Variants in GALNTL6 observed in about 807,000 individuals in gnomAD.
GALNTL6 encodes polypeptide N-acetylgalactosaminyltransferase like 6.
A neutral mutation model predicts 73.7 loss-of-function variants in GALNTL6; 46 were observed. The observed-to-expected ratio is 0.62, with a 90% CI of 0.49 to 0.80. The LOEUF is 0.80. Among genes scored for constraint, GALNTL6 ranks in the 30% least tolerant of loss-of-function variants. GALNTL6 has a pLI of 0.00. For synonymous variants in GALNTL6, 259 were observed against 263.7 expected (o/e 0.98, Z 0.17); for missense variants, 604 against 755.0 (o/e 0.80, Z 2.34).
intron 12 of GALNTL6, among the ~76,000 whole-genome samples, chr4:173,021,999 GAA>G (rs1329071859): frequency 6.8e-6 from 1 of 146,328 alleles, no homozygotes; most frequent in Non-Finnish European, 1.5e-5. Context: ...GTTAAGAAAA[GAA>G]AGAGAGAGAG....
chr4:172,882,444 A>T (rs1404293432), intron 7 of GALNTL6, among the ~76,000 whole-genome samples: 1 of 152,126 alleles, frequency 6.6e-6, no homozygotes, highest in Non-Finnish European at 1.5e-5. Flanking sequence ...GAAAAACCAT[A>T]AAATTGAGTG....
At chr4:172,143,683 C>T (rs1405577983) in intron 2 of GALNTL6, among the ~76,000 whole-genome samples, 1 of 152,042 alleles carries the variant, frequency 6.6e-6, no homozygotes, top group Non-Finnish European at 1.5e-5. Context: ...AATTTACTGC[C>T]TGCCCCCCAT....
chr4:172,022,865 C>T lies in GALNTL6; in HGVS notation c.139-206791C>T, dbSNP rs145546484. 2.0e-3 allele frequency among the ~76,000 whole-genome samples: 306 copies of T among 152,112 alleles called. 1 individual carries two copies. The Middle Eastern group carries it at 0.02, about 10-fold the overall frequency. On this transcript the variant is annotated intron_variant, in intron 2 of 12. Transcript: ENST00000506823. ...GATTTATTAGCAATGTCTAACAATT[C>T]TCTGAGCCACCCCATTTCCCTGTTT...
chr4:171,935,598 T>C (rs1359106573), intron 2 of GALNTL6, among the ~76,000 whole-genome samples: 3 of 152,172 alleles, frequency 2.0e-5, no homozygotes, highest in African/African-American at 7.2e-5. Context: ...GCGTCCAGAA[T>C]ATCTGGGACC....
chr4:172,514,243 G>A (rs1044554997), intron 5 of GALNTL6, among the ~76,000 whole-genome samples: 5 of 152,188 alleles, frequency 3.3e-5, no homozygotes, highest in Non-Finnish European at 7.3e-5. Context: ...GGTTAGGAAT[G>A]CCTGAACTCA....
At chr4:172,046,415 A>G (rs1186032396) in intron 2 of GALNTL6, among the ~76,000 whole-genome samples, 1 of 152,130 alleles carries the variant, frequency 6.6e-6, no homozygotes, top group African/African-American at 2.4e-5. Context: ...TCAACTCGTC[A>G]TTAACATTAG....
intron 2 of GALNTL6, among the ~76,000 whole-genome samples, chr4:172,014,928 T>C (rs765620882): frequency 6.6e-5 from 10 of 152,148 alleles, no homozygotes; most frequent in Non-Finnish European, 1.0e-4. Flanking sequence ...TGATATAATT[T>C]TGACTTTTGC....
intron 10 of GALNTL6, among the ~76,000 whole-genome samples, chr4:172,970,042 A>G (rs972832293): frequency 2.6e-5 from 4 of 152,178 alleles, no homozygotes; most frequent in African/African-American, 9.7e-5. Context: ...ACAAGTTTTT[A>G]TTAGGGATTT....
chr4:172,664,363 G>A (rs888977522), intron 5 of GALNTL6, among the ~76,000 whole-genome samples: 5 of 152,288 alleles, frequency 3.3e-5, no homozygotes, highest in African/African-American at 1.2e-4. Context: ...GTTTCAGCTT[G>A]TGATTCATTT....
chr4:171,898,115 A>G (rs1008974360), intron 2 of GALNTL6, among the ~76,000 whole-genome samples: 3 of 152,186 alleles, frequency 2.0e-5, no homozygotes, highest in Non-Finnish European at 4.4e-5. Context: ...GCAAATAAAC[A>G]TCAGAAAAGC....
chr4:172,298,890 T>A (rs1739791958), intron 3 of GALNTL6, among the ~76,000 whole-genome samples: 1 of 152,306 alleles, frequency 6.6e-6, no homozygotes, highest in South Asian at 2.1e-4. Context: ...ATGAAATGAG[T>A]TAGGGAGGAT....
chr4:172,130,112 C>T (rs1733445393), intron 2 of GALNTL6, among the ~76,000 whole-genome samples: 4 of 149,940 alleles, frequency 2.7e-5, no homozygotes, highest in Admixed American at 2.7e-4. Flanking sequence ...TTCTTGGTTA[C>T]AAGGATCAAT....
chr4:172,819,324 C>A (rs1215496305), intron 7 of GALNTL6, among the ~76,000 whole-genome samples: 1 of 152,214 alleles, frequency 6.6e-6, no homozygotes. Flanking sequence ...GATAACAACA[C>A]CGTGTGAAAG....
intron 7 of GALNTL6, among the ~76,000 whole-genome samples, chr4:172,827,054 A>C (rs941875194): frequency 6.6e-6 from 1 of 152,150 alleles, no homozygotes; most frequent in African/African-American, 2.4e-5. Flanking sequence ...CAGACCTTTC[A>C]AAAGAGGCTT....
At chr4:172,882,967 A>G in intron 8 of GALNTL6, 60 bp downstream of exon 8, 2 of 891,934 alleles carry the variant, frequency 2.2e-6, no homozygotes, top group Admixed American at 2.1e-5. Flanking sequence ...CTGATAGAAT[A>G]TCAGCATGTT....
chr4:172,183,404 A>G (rs1009463143), intron 2 of GALNTL6, among the ~76,000 whole-genome samples: 5 of 152,216 alleles, frequency 3.3e-5, no homozygotes, highest in African/African-American at 1.2e-4. Context: ...GAATCGATCT[A>G]TGAAGGTGTT....
intron 2 of GALNTL6, among the ~76,000 whole-genome samples, chr4:172,029,804 A>G (rs6821998): frequency 0.36 from 54,559 of 152,014 alleles, 11,452 homozygotes; most frequent in South Asian, 0.52. Context: ...GAACTCTAGC[A>G]TGGTGGCTGG....
At chr4:172,074,486 C>A (rs945604571) in intron 2 of GALNTL6, among the ~76,000 whole-genome samples, 5 of 150,934 alleles carry the variant, frequency 3.3e-5, no homozygotes, top group Admixed American at 6.6e-5. Flanking sequence ...CAATTGCCAT[C>A]CACAATTGCC....
At chr4:172,806,198 C>T (rs991189917) in intron 5 of GALNTL6, among the ~76,000 whole-genome samples, 1 of 152,042 alleles carries the variant, frequency 6.6e-6, no homozygotes, top group African/African-American at 2.4e-5. Flanking sequence ...AAAGTGCAGT[C>T]AACTAGATCA....
Sources: allele counts gnomAD v4.1 joint callset (sites outside exome capture counted in the v4.1 genomes callset), GRCh38; gene constraint gnomAD v4.1.1; transcripts MANE v1.5; gene names NCBI Gene and HGNC (gene_info 2026-07-23, HGNC 2026-07-21).